STPG1: variants seen among roughly 807,000 people sequenced by gnomAD.
The protein encoded by STPG1 is sperm tail PG-rich repeat containing 1.
Under a neutral mutation model 40.1 loss-of-function variants are expected in STPG1, and 33 were observed. The ratio of observed to expected loss-of-function variants is 0.82; its 90% CI spans 0.62 to 1.10. The LOEUF is 1.10. Among genes scored for constraint, STPG1 ranks in the 50% least tolerant of loss-of-function variants. The pLI is 0.00. For synonymous variants in STPG1, 150 were observed against 155.0 expected, an observed-to-expected ratio of 0.97 and a Z score of 0.24; for missense variants, 396 against 415.1, an observed-to-expected ratio of 0.95 and a Z score of 0.40.
intron 2 of STPG1, among the ~76,000 whole-genome samples, chr1:24,396,285 A>G (rs1412073327): frequency 9.9e-6 from 1 of 100,634 alleles, no homozygotes; most frequent in Non-Finnish European, 2.1e-5. Context: ...CTATCTATCT[A>G]TCTATCTATC....
At chr1:24,371,602 A>AG (rs1641744846) in intron 6 of STPG1, among the ~76,000 whole-genome samples, 1 of 151,972 alleles carries the variant, frequency 6.6e-6, no homozygotes, top group Admixed American at 6.6e-5. Flanking sequence ...AAAAAAAAAA[A>AG]AAAAATGTTC....
rs1251966012 is a variant in STPG1 at position 24,369,836 on chromosome 1, T to C, written c.575A>G (p.His192Arg). ...CACAAGGGATTCGTTGATATCATAATGCCCTAAGGAGAAAGAAATTTTAGG... is the reference window on the plus strand; with the variant it reads ...CACAAGGGATTCGTTGATATCATAACGCCCTAAGGAGAAAGAAATTTTAGG... ...AFADKGPPPG[H>R]YDINESLVKQ... The change falls in exon 7 of 9, where the codon CAT (histidine) becomes CGT (arginine). Residue 192 changes from histidine to arginine, a missense_variant. Coordinates refer to ENST00000337248, the MANE Select transcript of STPG1 (RefSeq NM_001199013.2). 1 of 1,586,266 alleles carries C rather than the reference T, an allele frequency of 6.3e-7. No homozygotes were observed. The highest frequency in any genetic ancestry group is 1.8e-5 in the Admixed American group (1 of 55,288).
At chr1:24,405,247 C>T (rs59505297) in intron 1 of STPG1, among the ~76,000 whole-genome samples, 35,731 of 152,132 alleles carry the variant, frequency 0.23, 4,685 homozygotes, top group East Asian at 0.46. Flanking sequence ...AGTGAGCCAC[C>T]GCACCCAGCG....
chr1:24,384,114 G>A (rs1224095552), intron 3 of STPG1, 111 bp from the exon 4 acceptor site: 7 of 667,250 alleles, frequency 1.0e-5, no homozygotes, highest in African/African-American at 5.4e-5. Flanking sequence ...CAGCACAGGC[G>A]CTACCACCAC....
intron 1 of STPG1, chr1:24,410,765 C>T (rs1213672412): frequency 6.6e-6 from 1 of 152,248 alleles, no homozygotes; most frequent in Non-Finnish European, 1.5e-5. Context: ...CCAGGTGTGC[C>T]TCACTGGTCC....
intron 2 of STPG1, among the ~76,000 whole-genome samples, chr1:24,398,612 T>C (rs780503084): frequency 1.1e-4 from 16 of 152,120 alleles, no homozygotes; most frequent in Non-Finnish European, 1.9e-4. Flanking sequence ...AAATAATCTG[T>C]GGACACCCTA....
intron 5 of STPG1, among the ~76,000 whole-genome samples, chr1:24,376,074 G>C (rs538230134): frequency 6.6e-6 from 1 of 152,324 alleles, no homozygotes; most frequent in African/African-American, 2.4e-5. Flanking sequence ...AGGCTGGAGT[G>C]CAGTAGTGTG....
At chr1:24,380,200 G>A (rs1172667263) in intron 4 of STPG1, among the ~76,000 whole-genome samples, 1 of 152,138 alleles carries the variant, frequency 6.6e-6, no homozygotes, top group Non-Finnish European at 1.5e-5. Flanking sequence ...TTTCTTCTGA[G>A]TAAAATCTCA....
At chr1:24,387,718 T>C (rs767901818) in intron 3 of STPG1, among the ~76,000 whole-genome samples, 29 of 152,250 alleles carry the variant, frequency 1.9e-4, no homozygotes, top group Admixed American at 7.2e-4. Flanking sequence ...TGGCATGTCA[T>C]GAGTGCCAGC....
At chr1:24,383,863 T>C in intron 4 of STPG1, 39 bp downstream of exon 4, 1 of 1,260,634 alleles carries the variant, frequency 7.9e-7, no homozygotes. Context: ...AGGAAATTAC[T>C]GACCAGTTAA....
At chr1:24,384,080 A>G in intron 3 of STPG1, 77 bp from the exon 4 acceptor site, 2 of 897,402 alleles carry the variant, frequency 2.2e-6, no homozygotes, top group South Asian at 2.7e-5. Context: ...ACATCCATTA[A>G]CACTAAGCCT....
intron 7 of STPG1, 160 bp downstream of exon 7, chr1:24,369,514 C>T (rs1641629615): frequency 4.0e-6 from 3 of 747,574 alleles, no homozygotes; most frequent in Admixed American, 4.4e-5. Context: ...AGGCATTCAA[C>T]AGGCATTTAC....
chr1:24,377,539 C>T (rs1042669527), intron 5 of STPG1, among the ~76,000 whole-genome samples: 15 of 152,210 alleles, frequency 9.9e-5, no homozygotes, highest in Non-Finnish European at 1.8e-4. Flanking sequence ...GTCTCAGTCT[C>T]GGAGCCTTCT....
At chr1:24,389,537 G>A (rs1397905190) in intron 3 of STPG1, among the ~76,000 whole-genome samples, 2 of 152,044 alleles carry the variant, frequency 1.3e-5, no homozygotes, top group African/African-American at 2.4e-5. Context: ...GTGACCTTGG[G>A]TGGGTCATTG....
At chr1:24,382,859 G>A (rs1642347395) in intron 4 of STPG1, among the ~76,000 whole-genome samples, 1 of 150,546 alleles carries the variant, frequency 6.6e-6, no homozygotes, top group Non-Finnish European at 1.5e-5. Context: ...CTTTTAAAGG[G>A]ACAAGATGGC....
chr1:24,364,764 T>A (rs768030389), intron 7 of STPG1, among the ~76,000 whole-genome samples: 20 of 152,204 alleles, frequency 1.3e-4, no homozygotes, highest in Non-Finnish European at 2.8e-4. Context: ...ACCAGGGCTT[T>A]TATGAGCCTC....
intron 6 of STPG1, among the ~76,000 whole-genome samples, chr1:24,370,557 TC>T (rs1425463716): frequency 6.6e-6 from 1 of 152,098 alleles, no homozygotes; most frequent in African/African-American, 2.4e-5. Context: ...AGTGGCGTGA[TC>T]TCAGCTCACT....
chr1:24,358,489 C>T lies in STPG1; in HGVS notation c.*54G>A, dbSNP rs757560497. ...CTCCTCCTGAGGAATGTCCTGGGGA[C>T]GCTGGGCAGGGTGGGCTGGTGGCTG... On this transcript the variant is annotated 3_prime_UTR_variant, in exon 9 of 9. Transcript: ENST00000337248. The T allele has an allele frequency of 4.3e-5, 62 of 1,445,366 alleles. No homozygotes were observed. Among genetic ancestry groups the T allele is most frequent in the Admixed American group, 8.4e-5 (5 of 59,780 alleles). 89.5% of individuals were successfully genotyped at this position (1,445,366 alleles called of 1,614,324 possible). A position where few individuals can be genotyped will look rare whatever the true frequency, so the allele number is the denominator to read the frequency against.
rs757652941 is a variant in STPG1, at chr1:24,358,426, C to A, written c.*117G>T. On this transcript the variant is annotated 3_prime_UTR_variant, in exon 9 of 9. Transcript: ENST00000337248. The stretch of plus-strand genomic sequence containing the variant: ...GGATGCCAGGCCAGAGTGGTAGAGC[C>A]ACCCCCCAAGTTGTCAGCTGCCACA... 49 of 875,410 alleles carry A rather than the reference C, an allele frequency of 5.6e-5. No homozygotes were observed. The Middle Eastern group carries it at 1.1e-3, about 19-fold the overall frequency. 54.2% of individuals were successfully genotyped at this position (875,410 alleles called of 1,614,324 possible). A position where few individuals can be genotyped will look rare whatever the true frequency, so the allele number is the denominator to read the frequency against.
Sources: gnomAD v4.1 joint callset for allele counts (sites outside exome capture counted in the v4.1 genomes callset) on GRCh38, gnomAD v4.1.1 for gene constraint, MANE v1.5 for transcripts, NCBI Gene and HGNC (gene_info 2026-07-23, HGNC 2026-07-21) for gene names.